The following GFPT2 variants were observed in gnomAD, a reference collection of about 807,000 sequenced individuals.
The protein encoded by GFPT2 is glutamine--fructose-6-phosphate aminotransferase [isomerizing] 2.
Under a neutral mutation model 85.6 loss-of-function variants are expected in GFPT2, and 62 were observed. That is an observed-to-expected ratio of 0.72 (90% CI 0.59 to 0.90). The LOEUF is 0.90. GFPT2 is among the 40% of genes least tolerant of loss of function. GFPT2 has a pLI of 0.00. For missense variants in GFPT2, 788 were observed against 893.4 expected (o/e 0.88, Z 1.50); for synonymous variants, 368 against 344.5 (o/e 1.07, Z -0.75).
At chr5:180,325,267 A>C (rs1581379462) in intron 7 of GFPT2, among the ~76,000 whole-genome samples, 1 of 152,104 alleles carries the variant, frequency 6.6e-6, no homozygotes, top group Non-Finnish European at 1.5e-5. Context: ...CTAGGTCTCC[A>C]CCCAGCCTCG....
chr5:180,337,811 T>TTTATGTATTG (rs1466219562), intron 2 of GFPT2, among the ~76,000 whole-genome samples: 6 of 152,116 alleles, frequency 3.9e-5, no homozygotes, highest in African/African-American at 1.4e-4. Context: ...TCCTGCCCTC[T>TTTATGTATTG]TTATGTATTG....
chr5:180,336,286 A>G, intron 3 of GFPT2, 193 bp downstream of exon 3: 2 of 617,828 alleles, frequency 3.2e-6, no homozygotes, highest in Non-Finnish European at 5.8e-6. Flanking sequence ...AAAATTATCC[A>G]TGCGCCGCCA....
rs2127653245 is a variant in GFPT2 at position 180,328,309 on chromosome 5, A to G, written c.564T>C (p.Ser188=). The change falls in exon 7 of 19, where the codon AGT becomes AGC. Residue 188 remains serine (S), a synonymous_variant. Coordinates refer to ENST00000253778, the MANE Select transcript of GFPT2 (RefSeq NM_005110.4). This position sits in a 1 kb window ranked among gnomAD's most constrained non-coding sequence, Gnocchi z 5.4. ...LEGAFALVFK[S]VHYPGEAVAT... ...CAACGGCTTCTCCTGGGTAGTGGAC[A>G]CTCTTGAAAACCAGCGCGAATGCAC... 1.2e-6 allele frequency: 2 copies of G among 1,613,276 alleles called. No individual in the cohort carries two copies. Among genetic ancestry groups the G allele is most frequent in the South Asian group, 1.1e-5 (1 of 91,062 alleles).
intron 9 of GFPT2, 94 bp from the exon 10 acceptor site, chr5:180,319,050 G>T: frequency 8.3e-7 from 1 of 1,202,952 alleles, no homozygotes; most frequent in Non-Finnish European, 1.2e-6. Flanking sequence ...AGGCCACATC[G>T]TTGGCATTTT....
chr5:180,303,442 G>A (rs994589308), intron 17 of GFPT2, among the ~76,000 whole-genome samples: 2 of 152,174 alleles, frequency 1.3e-5, no homozygotes, highest in African/African-American at 2.4e-5. Flanking sequence ...GCCCGGAGGC[G>A]GGCGCGGGCG....
At chr5:180,339,659 T>C (rs560979513) in intron 1 of GFPT2, among the ~76,000 whole-genome samples, 12 of 152,192 alleles carry the variant, frequency 7.9e-5, no homozygotes, top group Non-Finnish European at 1.8e-4. Flanking sequence ...CCTCATCCCA[T>C]CATCCCTCTG....
chr5:180,313,388 G>C (rs1323412048), intron 14 of GFPT2, among the ~76,000 whole-genome samples: 2 of 150,322 alleles, frequency 1.3e-5, no homozygotes, highest in Non-Finnish European at 3.0e-5. Context: ...TCAGGAGATC[G>C]AGACCATCCC....
chr5:180,307,560 C>T (rs940831388), intron 15 of GFPT2, among the ~76,000 whole-genome samples: 1 of 151,870 alleles, frequency 6.6e-6, no homozygotes, highest in Non-Finnish European at 1.5e-5. Flanking sequence ...TTTCTCACTC[C>T]GTTTTGCAGG....
At chr5:180,305,129 G>C (rs1253259439) in intron 16 of GFPT2, among the ~76,000 whole-genome samples, 190 bp from the exon 17 acceptor site, 5 of 152,066 alleles carry the variant, frequency 3.3e-5, no homozygotes, top group Admixed American at 3.3e-4. Flanking sequence ...GGAGAGGCCT[G>C]GCTACCATCC....
intron 1 of GFPT2, among the ~76,000 whole-genome samples, chr5:180,345,929 C>A (rs1002080617): frequency 6.6e-6 from 1 of 152,124 alleles, no homozygotes; most frequent in Non-Finnish European, 1.5e-5. Flanking sequence ...CCAGAACTCT[C>A]GGTTAACCCC....
chr5:180,317,587 G>A (rs550377376), intron 10 of GFPT2, among the ~76,000 whole-genome samples: 159 of 146,488 alleles, frequency 1.1e-3, no homozygotes, highest in Non-Finnish European at 1.3e-3. Flanking sequence ...GTGAAACCCC[G>A]TCTCTACTAA....
intron 1 of GFPT2, among the ~76,000 whole-genome samples, chr5:180,344,398 G>C (rs1310116899): frequency 6.6e-6 from 1 of 152,146 alleles, no homozygotes; most frequent in Non-Finnish European, 1.5e-5. Context: ...ATGTGAATTA[G>C]GTGGTGATGA....
intron 1 of GFPT2, among the ~76,000 whole-genome samples, chr5:180,348,143 A>T (rs1561885708): frequency 6.6e-6 from 1 of 152,216 alleles, no homozygotes; most frequent in Non-Finnish European, 1.5e-5. Context: ...GCTGACCTTT[A>T]TAGTCCATGA....
At position 180,330,821 on chromosome 5, in the gene GFPT2, T is replaced by A; in HGVS notation, c.413A>T (p.Tyr138Phe). 1 of 1,614,000 alleles carries A rather than the reference T, an allele frequency of 6.2e-7. No individual in the cohort carries two copies. Among genetic ancestry groups the A allele is most frequent in the Non-Finnish European group, 8.5e-7 (1 of 1,179,838 alleles). The change falls in exon 6 of 19, where the codon TAC becomes TTC. Residue 138 changes from tyrosine (Y) to phenylalanine (F), a missense_variant. Tyr to Phe is a conservative substitution (Grantham distance 22). Coordinates refer to ENST00000253778, the MANE Select transcript of GFPT2 (RefSeq NM_005110.4). This position sits in a 1 kb window ranked among gnomAD's most constrained non-coding sequence, Gnocchi z 4.4. Reference protein sequence around the residue: ...DLRKFLESKGYEFESETDTET... With the variant: ...DLRKFLESKGFEFESETDTET... ...TGTATCTGTTTCTGACTCAAACTCG[T>A]AGCCTTTGCTTTCCTGGAATATGCA...
intron 13 of GFPT2, among the ~76,000 whole-genome samples, chr5:180,315,564 A>G (rs895516396): frequency 4.6e-5 from 7 of 152,220 alleles, no homozygotes; most frequent in Non-Finnish European, 7.4e-5. Flanking sequence ...ATTGGCTTCA[A>G]AGTAACCCCA....
intron 1 of GFPT2, among the ~76,000 whole-genome samples, chr5:180,340,832 G>A (rs1447718524): frequency 1.3e-5 from 2 of 152,076 alleles, no homozygotes; most frequent in African/African-American, 4.8e-5. Flanking sequence ...TTTAAATAAG[G>A]GCACTCATCC....
At chr5:180,345,501 T>C (rs1157910728) in intron 1 of GFPT2, among the ~76,000 whole-genome samples, 2 of 152,264 alleles carry the variant, frequency 1.3e-5, no homozygotes, top group Admixed American at 1.3e-4. Context: ...TCTTGCTAGC[T>C]CTTCGCAAAG....
In GFPT2 at chr5:180,320,289, G is replaced by A. The variant is rs576964459; in HGVS notation, c.795-1333C>T. 1.3e-3 allele frequency among the ~76,000 whole-genome samples: 197 copies of A among 152,244 alleles called. 1 individual carries two copies. Among genetic ancestry groups the A allele is most frequent in the African/African-American group, 4.6e-3 (190 of 41,576 alleles). ...TTACAGGTGTGAGCCACCGTGCCCA[G>A]CCCATTGTGTTTATTTTTATAACTT... is the stretch of plus-strand genomic sequence containing the variant. On this transcript the variant is annotated intron_variant, in intron 9 of 18. Transcript: ENST00000253778.
At chr5:180,314,433 T>C (rs1305894265) in intron 13 of GFPT2, among the ~76,000 whole-genome samples, 2 of 152,212 alleles carry the variant, frequency 1.3e-5, no homozygotes, top group Non-Finnish European at 2.9e-5. Context: ...AGGACACTTC[T>C]TGCAAGCCTC....
Sources: gnomAD v4.1 joint callset for allele counts (sites outside exome capture counted in the v4.1 genomes callset) on GRCh38, gnomAD v4.1.1 for gene constraint, Gnocchi (gnomAD v3.1) non-coding constraint, MANE v1.5 for transcripts, NCBI Gene and HGNC (gene_info 2026-07-23, HGNC 2026-07-21) for gene names.